The following PRKACB variants were observed in gnomAD, a reference collection of about 807,000 sequenced individuals.
The protein encoded by PRKACB is cAMP-dependent protein kinase catalytic subunit beta.
In PRKACB, 16 loss-of-function variants were observed where a neutral mutation model predicts 51.4. The ratio of observed to expected loss-of-function variants is 0.31; its 90% CI spans 0.21 to 0.47. PRKACB has a LOEUF of 0.47. Among genes scored for constraint, PRKACB ranks in the 20% least tolerant of loss-of-function variants. The pLI is 1.00. For missense variants in PRKACB, 309 were observed against 464.5 expected, an observed-to-expected ratio of 0.67 and a Z score of 3.08; for synonymous variants, 147 against 154.4, an observed-to-expected ratio of 0.95 and a Z score of 0.35.
Position 84,214,137 on chromosome 1 carries a change from T to C in PRKACB, c.907-16T>C, listed in dbSNP as rs1210448633. ...GTCTTAGAATGTGTGTTTTACCAAATGGTGTGTTTGTGTAGGTCCGATTCC... is the reference window on the plus strand; with the variant it reads ...GTCTTAGAATGTGTGTTTTACCAAACGGTGTGTTTGTGTAGGTCCGATTCC... On this transcript the variant is annotated splice_polypyrimidine_tract_variant and intron_variant, in intron 8 of 9. Transcript: ENST00000370685. 3.2e-6 allele frequency: 5 copies of C among 1,582,156 alleles called. No homozygotes were observed. In the Admixed American group the frequency reaches 9.5e-5, roughly 30 times the overall value.
rs570260076 is a variant in PRKACB at position 84,170,770 on chromosome 1, A to G, written c.188-8407A>G. 8.6e-5 allele frequency among the ~76,000 whole-genome samples: 13 copies of G among 151,838 alleles called. No homozygotes were observed. The South Asian group carries it at 2.1e-3, about 24-fold the overall frequency. On this transcript the variant is annotated intron_variant, in intron 1 of 9. Transcript: ENST00000370685. The stretch of plus-strand genomic sequence containing the variant: ...TTATCACATATGACTACTATATTAA[A>G]TTAGTGACATAAAAATAAATATGAG...
At chr1:84,144,891 ATGTCT>A (rs1336057687) in intron 1 of PRKACB, among the ~76,000 whole-genome samples, 1 of 152,276 alleles carries the variant, frequency 6.6e-6, no homozygotes, top group African/African-American at 2.4e-5. Flanking sequence ...ACTTCTTAAA[ATGTCT>A]TGTATTTATA....
chr1:84,110,218 A>AG (rs1557947138), intron 1 of PRKACB, among the ~76,000 whole-genome samples: 2 of 152,004 alleles, frequency 1.3e-5, no homozygotes, highest in African/African-American at 4.8e-5. Flanking sequence ...CAATACAACA[A>AG]TATGAAATAA....
At chr1:84,164,427 G>A in intron 1 of PRKACB, 1 of 1,571,418 alleles carries the variant, frequency 6.4e-7, no homozygotes, top group Non-Finnish European at 8.6e-7. Flanking sequence ...GATTGTGTGA[G>A]TATTTGAAGA....
At position 84,231,200 on chromosome 1, in the gene PRKACB, T is replaced by A. The variant is rs142061635; in HGVS notation, c.1072-3980T>A. Among the ~76,000 whole-genome samples, 1,415 of 152,340 alleles carry A rather than the reference T, an allele frequency of 9.3e-3. 24 individuals carry two copies. Among genetic ancestry groups the A allele is most frequent in the African/African-American group, 0.033 (1,353 of 41,562 alleles). ...ATAATCATGTGGTTTTTTCTTTGGT[T>A]CTGTTTATATGCTGGATTACATTTA... On this transcript the variant is annotated intron_variant, in intron 9 of 9. Coordinates refer to ENST00000370685, the MANE Select transcript of PRKACB (RefSeq NM_182948.4).
Position 84,196,926 on chromosome 1 carries a change from A to G in PRKACB, c.687+184A>G, listed in dbSNP as rs559050467. On this transcript the variant is annotated intron_variant, in intron 6 of 9. Coordinates refer to ENST00000370685, the MANE Select transcript of PRKACB (RefSeq NM_182948.4). The stretch of plus-strand genomic sequence containing the variant: ...ATCCTGTTATGAAAGGAACTTGTTT[A>G]TATCTCCATTAATCTATAGTTGTGA... 2.6e-5 allele frequency among the ~76,000 whole-genome samples: 4 copies of G among 152,284 alleles called. No individual in the cohort carries two copies. The South Asian group carries it at 8.3e-4, about 32-fold the overall frequency.
At chr1:84,226,608 C>T (rs1318910930) in intron 9 of PRKACB, among the ~76,000 whole-genome samples, 1 of 152,126 alleles carries the variant, frequency 6.6e-6, no homozygotes, top group Non-Finnish European at 1.5e-5. Context: ...TTGATTTCCA[C>T]ATTTTTCAGT....
At chr1:84,145,072 A>G (rs1462596352) in intron 1 of PRKACB, among the ~76,000 whole-genome samples, 1 of 152,042 alleles carries the variant, frequency 6.6e-6, no homozygotes, top group Admixed American at 6.6e-5. Flanking sequence ...TCTTACACTT[A>G]TAACATTATG....
At chr1:84,183,460 A>G (rs917806132) in intron 3 of PRKACB, among the ~76,000 whole-genome samples, 1 of 151,804 alleles carries the variant, frequency 6.6e-6, no homozygotes, top group Non-Finnish European at 1.5e-5. Context: ...TTTAGAATTT[A>G]TACCTATATT....
At chr1:84,178,708 T>C (rs1228540159) in intron 1 of PRKACB, 1 of 152,292 alleles carries the variant, frequency 6.6e-6, no homozygotes, top group Non-Finnish European at 1.5e-5. Flanking sequence ...ACAAATCTAA[T>C]ACATAACATA....
chr1:84,122,041 A>C (rs1170332881), intron 1 of PRKACB, among the ~76,000 whole-genome samples: 3 of 152,090 alleles, frequency 2.0e-5, no homozygotes, highest in African/African-American at 7.2e-5. Flanking sequence ...CCTAGCAGAT[A>C]GGGTACATGT....
chr1:84,187,998 T>A (rs1665674281), intron 5 of PRKACB, among the ~76,000 whole-genome samples: 1 of 152,108 alleles, frequency 6.6e-6, no homozygotes, highest in African/African-American at 2.4e-5. Context: ...TGTTTTCATA[T>A]TCTGCTATAA....
intron 6 of PRKACB, among the ~76,000 whole-genome samples, chr1:84,197,511 TTGTTC>T (rs1668545532): frequency 6.6e-6 from 1 of 152,114 alleles, no homozygotes; most frequent in Non-Finnish European, 1.5e-5. Flanking sequence ...TGTTATTAAT[TTGTTC>T]CTTTTCTTTG....
chr1:84,160,490 A>C (rs986882417), intron 1 of PRKACB, among the ~76,000 whole-genome samples: 11 of 149,124 alleles, frequency 7.4e-5, no homozygotes, highest in Non-Finnish European at 1.5e-4. Context: ...AAGTTTTATC[A>C]TAAGACTTTT....
chr1:84,086,625 AAG>A (rs2100755426), intron 1 of PRKACB, among the ~76,000 whole-genome samples: 1 of 152,336 alleles, frequency 6.6e-6, no homozygotes, highest in African/African-American at 2.4e-5. Flanking sequence ...TAAAAAGAAA[AAG>A]AAAAAAGAAG....
At chr1:84,173,189 C>G in intron 1 of PRKACB, 1 of 511,698 alleles carries the variant, frequency 2.0e-6, no homozygotes, top group South Asian at 5.0e-5. Context: ...TTATATAATA[C>G]ATTTTTGGTA....
chr1:84,204,498 A>G (rs1671025186), intron 8 of PRKACB: 4 of 1,602,354 alleles, frequency 2.5e-6, no homozygotes, highest in Non-Finnish European at 3.4e-6. Context: ...TGATATGAAC[A>G]AAACAAAACT....
rs138169861 is a variant in PRKACB, at chr1:84,165,487, C to T, written c.188-13690C>T. ...CAGAATTTTGTTGATGTCTTGGTTG[C>T]TTTTACCTACAATTTATTGAGAAAT... On this transcript the variant is annotated intron_variant, in intron 1 of 9. Transcript: ENST00000370685. Among the ~76,000 whole-genome samples, 192 of 151,710 alleles carry T rather than the reference C, an allele frequency of 1.3e-3. 1 individual carries two copies. In the East Asian group the frequency reaches 0.013, roughly 10 times the overall value.
chr1:84,181,779 T>G (rs1572147734), intron 2 of PRKACB: 1 of 1,342,860 alleles, frequency 7.4e-7, no homozygotes, highest in East Asian at 2.6e-5. Context: ...TTCATTACAG[T>G]TATTTGCAAG....
Sources: allele counts gnomAD v4.1 joint callset (sites outside exome capture counted in the v4.1 genomes callset), GRCh38; gene constraint gnomAD v4.1.1; transcripts MANE v1.5; gene names NCBI Gene and HGNC (gene_info 2026-07-23, HGNC 2026-07-21).